Variants in OTUD4 observed in about 807,000 individuals in gnomAD.
OTUD4 encodes the protein OTU domain-containing protein 4.
Under a neutral mutation model 130.4 loss-of-function variants are expected in OTUD4, and 24 were observed. The observed-to-expected ratio is 0.18, with a 90% CI of 0.13 to 0.26. OTUD4 has a LOEUF of 0.26. Ranked by LOEUF, OTUD4 falls within the 10% of genes least tolerant of loss-of-function variation. The probability of loss-of-function intolerance (pLI) is 1.00; values close to 1 mark genes in which losing one functional copy is unlikely to be tolerated. For missense variants in OTUD4, 1,031 were observed against 1,329.4 expected (o/e 0.78, Z 3.49); for synonymous variants, 420 against 472.5 (o/e 0.89, Z 1.44).
intron 6 of OTUD4, 66 bp from the exon 7 acceptor site, chr4:145,159,701 AC>A: frequency 6.9e-7 from 1 of 1,457,706 alleles, no homozygotes. Flanking sequence ...ACAGGAACAG[AC>A]CATCACATTG....
chr4:145,174,588 A>G (rs944827457), intron 2 of OTUD4, 73 bp downstream of exon 2: 7 of 820,442 alleles, frequency 8.5e-6, no homozygotes, highest in Non-Finnish European at 1.5e-5. Flanking sequence ...GTGAAATTCT[A>G]CTAGAACACT....
chr4:145,163,967 C>A (rs1751720265), intron 5 of OTUD4, among the ~76,000 whole-genome samples, 187 bp downstream of exon 5: 1 of 152,060 alleles, frequency 6.6e-6, no homozygotes, highest in Non-Finnish European at 1.5e-5. Context: ...CTTGGCCTCC[C>A]AAAGTGCTGG....
rs1186090166 is a variant in OTUD4 at position 145,149,832 on chromosome 4, C to T, written c.1259+681G>A. The stretch of plus-strand genomic sequence containing the variant: ...TTGTCATAGTCACCTATGAAGACTC[C>T]ACAGGAAACACGGTCATATTTGCAC... On this transcript the variant is annotated intron_variant, in intron 13 of 20. Coordinates refer to ENST00000447906, the MANE Select transcript of OTUD4 (RefSeq NM_001366057.1). Among the ~76,000 whole-genome samples, 3 of 152,256 alleles carry T rather than the reference C, an allele frequency of 2.0e-5. No homozygotes were observed. The East Asian group carries it at 5.8e-4, about 29-fold the overall frequency.
In OTUD4 at chr4:145,179,884, C is replaced by T; in HGVS notation, c.90G>A (p.Arg30=). The change falls in exon 1 of 21, where the codon CGG becomes CGA. Residue 30 remains arginine (R), a synonymous_variant. Transcript: ENST00000447906. ...CCAGTTTCCGATACAAGCCCAGTTT[C>T]CGCAGATAGGCGTCCATGGGCGTCG... ...EDATPMDAYL[R]KLGLYRKLVA... is the part of the protein sequence containing the mutation. The T allele has an allele frequency of 6.5e-7, 1 of 1,527,704 alleles. No individual in the cohort carries two copies. The highest frequency in any genetic ancestry group is 8.7e-7 in the Non-Finnish European group (1 of 1,143,380). 94.6% of individuals were successfully genotyped at this position (1,527,704 alleles called of 1,614,324 possible).
chr4:145,134,836 A>G lies in OTUD4; in HGVS notation c.*2594T>C, dbSNP rs1327428280. ...AGCCAAAGCACCTAACACAAAAAACAGGTGAGCTTTGGTCAGTCTGTTCTT... is the reference window on the plus strand; with the variant it reads ...AGCCAAAGCACCTAACACAAAAAACGGGTGAGCTTTGGTCAGTCTGTTCTT... On this transcript the variant is annotated 3_prime_UTR_variant, in exon 21 of 21. Coordinates refer to ENST00000447906, the MANE Select transcript of OTUD4 (RefSeq NM_001366057.1). 1 of 398,916 alleles carries G rather than the reference A, an allele frequency of 2.5e-6. No homozygotes were observed. The allele number at this position is 398,916 out of a possible 1,614,324, so 24.7% of individuals were successfully genotyped here.
rs532682270 is a variant in OTUD4, at chr4:145,137,533, C to T, written c.3242G>A (p.Arg1081Gln). The T allele has an allele frequency of 8.1e-6, 13 of 1,612,644 alleles. No individual in the cohort carries two copies. Among genetic ancestry groups the T allele is most frequent in the East Asian group, 4.5e-5 (2 of 44,764 alleles). ...TCGATGGTACTGATAACCTTCATCC[C>T]GACTTCTGCTTGGCTGTCCTTTCCA... ...ESWKGQPSRS[R>Q]DEGYQYHRNV... The change falls in exon 21 of 21, where the codon CGG becomes CAG. Residue 1081 changes from arginine to glutamine, a missense_variant. By Grantham distance (43) the Arg-to-Gln change is conservative. Transcript: ENST00000447906.
chr4:145,176,906 G>A (rs900089288), intron 1 of OTUD4, among the ~76,000 whole-genome samples: 7 of 152,200 alleles, frequency 4.6e-5, no homozygotes, highest in Admixed American at 2.6e-4. Context: ...TGCACCTGTT[G>A]AGGTTAGCAA....
chr4:145,179,926 C>A lies in OTUD4; in HGVS notation c.48G>T (p.Ala16=), dbSNP rs1752612289. 6.5e-7 allele frequency: 1 copy of A among 1,527,160 alleles called. No individual in the cohort carries two copies. Among genetic ancestry groups the A allele is most frequent in the East Asian group, 2.5e-5 (1 of 40,034 alleles). The allele number at this position is 1,527,160 out of a possible 1,614,324, so 94.6% of individuals were successfully genotyped here. ...TGGGCGTCGCGTCCTCGCGGGGCCC[C>A]GCGCCGCCCTGGTCCCCGCCGTCGG... ...GVPDGGDQGG[A]GPREDATPMD... is the part of the protein sequence containing the mutation. The change falls in exon 1 of 21, where the codon GCG becomes GCT. Residue 16 remains alanine, a synonymous_variant. Coordinates refer to ENST00000447906, the MANE Select transcript of OTUD4 (RefSeq NM_001366057.1).
At chr4:145,156,077 A>G (rs1751275155) in intron 7 of OTUD4, 81 bp from the exon 8 acceptor site, 1 of 1,116,464 alleles carries the variant, frequency 9.0e-7, no homozygotes. Flanking sequence ...AAACGTCTTC[A>G]AAGTCAGAAC....
In OTUD4 at chr4:145,142,320, A is replaced by G. The variant is rs200646340; in HGVS notation, c.1698T>C (p.His566=). Residue 566 remains histidine, a synonymous_variant, in exon 18 of 21, where the codon CAT becomes CAC. Coordinates refer to ENST00000447906, the MANE Select transcript of OTUD4 (RefSeq NM_001366057.1). ...PSPAEQKPAE[H]VSLSNPAPLL... The stretch of plus-strand genomic sequence containing the variant: ...GGGGAGCTGGATTTGACAAAGACAC[A>G]TGTTCTGCTGGCTTCTTCAAGAAAG... 2.5e-6 allele frequency: 4 copies of G among 1,613,862 alleles called. No individual in the cohort carries two copies. Among genetic ancestry groups the G allele is most frequent in the East Asian group, 2.2e-5 (1 of 44,898 alleles).
rs184244215 is a variant in OTUD4 at position 145,143,867 on chromosome 4, A to C, written c.1602+79T>G. The C allele has an allele frequency of 2.5e-4, 267 of 1,067,756 alleles. No individual in the cohort carries two copies. The African/African-American group carries it at 2.9e-3, about 11-fold the overall frequency. The allele number at this position is 1,067,756 out of a possible 1,614,324, so 66.1% of individuals were successfully genotyped here. A position where few individuals can be genotyped will look rare whatever the true frequency, so the allele number is the denominator to read the frequency against. On this transcript the variant is annotated intron_variant, in intron 16 of 20. Transcript: ENST00000447906. ...GCTATAAAATTTCGAAATTATTTTC[A>C]CCTTCTTCCACTTCTTCCTACTGTA...
chr4:145,144,087 C>T (rs996185124), intron 15 of OTUD4, 86 bp from the exon 16 acceptor site: 6 of 1,186,142 alleles, frequency 5.1e-6, no homozygotes, highest in Non-Finnish European at 7.4e-6. Flanking sequence ...ATAGAAGAAG[C>T]CAAAAGTATT....
chr4:145,161,412 T>C (rs1170668581), intron 6 of OTUD4, among the ~76,000 whole-genome samples: 1 of 152,194 alleles, frequency 6.6e-6, no homozygotes, highest in Non-Finnish European at 1.5e-5. Flanking sequence ...AAATAGTGTA[T>C]TGCACATATC....
At chr4:145,163,536 T>TA (rs1181150806) in intron 5 of OTUD4, among the ~76,000 whole-genome samples, 2 of 152,130 alleles carry the variant, frequency 1.3e-5, no homozygotes, top group Non-Finnish European at 2.9e-5. Flanking sequence ...TATTTTTTTT[T>TA]ACTAATGTTT....
At chr4:145,149,139 C>A (rs181842742) in intron 13 of OTUD4, among the ~76,000 whole-genome samples, 1 of 152,140 alleles carries the variant, frequency 6.6e-6, no homozygotes, top group East Asian at 1.9e-4. Context: ...TAGGGTAGGA[C>A]CTAAACCCAG....
Position 145,150,610 on chromosome 4 carries a change from T to C in OTUD4, c.1162A>G (p.Arg388Gly). 1 of 1,613,714 alleles carries C rather than the reference T, an allele frequency of 6.2e-7. No individual in the cohort carries two copies. Among genetic ancestry groups the C allele is most frequent in the Non-Finnish European group, 8.5e-7 (1 of 1,179,616 alleles). ...PPRLQHPSGV[R>G]QHAFSSHSSG... ...GAATGACTAGAGAACGCATGTTGTC[T>C]TACTCCTGAAGGATGCTGCAGTCGA... The change falls in exon 13 of 21, where the codon AGA becomes GGA. Residue 388 changes from arginine (R) to glycine (G), a missense_variant. By Grantham distance (125) the Arg-to-Gly change is moderately radical. This residue lies in a region of OTUD4 where 900 missense variants were observed against 1,095.9 expected (regional missense o/e 0.82). Transcript: ENST00000447906.
chr4:145,144,542 C>A (rs1750732054), intron 14 of OTUD4, 108 bp from the exon 15 acceptor site: 1 of 1,068,310 alleles, frequency 9.4e-7, no homozygotes, highest in Non-Finnish European at 1.4e-6. Context: ...TCTTAAAATT[C>A]ACAGCCCTGT....
intron 7 of OTUD4, among the ~76,000 whole-genome samples, chr4:145,158,279 G>A (rs777411625): frequency 1.3e-5 from 2 of 152,004 alleles, no homozygotes; most frequent in African/African-American, 2.4e-5. Context: ...TCAGGAGATC[G>A]AGACCATCCT....
chr4:145,179,459 ACG>A, intron 1 of OTUD4: 2 of 291,742 alleles, frequency 6.9e-6, no homozygotes, highest in South Asian at 5.9e-5. Context: ...TGCTTCTCAA[ACG>A]AAGGGAAGGA....
Sources: gnomAD v4.1 joint callset for allele counts (sites outside exome capture counted in the v4.1 genomes callset) on GRCh38, gnomAD v4.1.1 for gene constraint, gnomAD v4.1.1 regional missense constraint, MANE v1.5 for transcripts, NCBI Gene and HGNC (gene_info 2026-07-23, HGNC 2026-07-21) for gene names.